ARHGEF3: variants seen among roughly 807,000 people sequenced by gnomAD.
ARHGEF3 encodes Rho guanine nucleotide exchange factor 3, also known as 59.8 kDA protein.
Under a neutral mutation model 63.2 loss-of-function variants are expected in ARHGEF3, and 28 were observed. That is an observed-to-expected ratio of 0.44 (90% CI 0.33 to 0.61). ARHGEF3 has a LOEUF of 0.61. ARHGEF3 is among the 20% of genes least tolerant of loss of function. The pLI is 0.03. For missense variants in ARHGEF3, 533 were observed against 659.3 expected (o/e 0.81, Z 2.10); for synonymous variants, 266 against 254.2 (o/e 1.05, Z -0.44).
chr3:56,745,289 G>A lies in ARHGEF3; in HGVS notation c.786C>T (p.Arg262=), dbSNP rs2034306488. 2 of 1,614,108 alleles carry A rather than the reference G, an allele frequency of 1.2e-6. No homozygotes were observed. The highest frequency in any genetic ancestry group is 1.7e-6 in the Non-Finnish European group (2 of 1,180,030). ...LWNFLDIPRS[R]LVKYPLLLRE... ...GGAGAAGCAGAGGGTATTTTACCAG[G>A]CGGCTTCTTGGAATATCGAGGAAAT... The change falls in exon 7 of 10, where the codon CGC becomes CGT. Residue 262 remains arginine, a synonymous_variant. Transcript: ENST00000296315.
At chr3:57,014,801 C>T (rs1702913148) in intron 2 of ARHGEF3, among the ~76,000 whole-genome samples, 1 of 151,942 alleles carries the variant, frequency 6.6e-6, no homozygotes, top group Non-Finnish European at 1.5e-5. Context: ...CTGCCTCAGC[C>T]TCCTGAGTAG....
intron 1 of ARHGEF3, among the ~76,000 whole-genome samples, chr3:57,039,191 G>C (rs1002200730): frequency 6.6e-6 from 1 of 152,312 alleles, no homozygotes; most frequent in Admixed American, 6.5e-5. Context: ...GGCAGGATCA[G>C]CACCCATTGG....
Position 57,001,007 on chromosome 3 carries a change from A to G in ARHGEF3, c.62+34081T>C, listed in dbSNP as rs372743300. On this transcript the variant is annotated intron_variant, in intron 2 of 12. Transcript: ENST00000338458. ...CAGGCTAGAGTGCAGTGGCACTATCATAAGTCACTGCAGCCTCAAATCCCT... is the reference window on the plus strand; with the variant it reads ...CAGGCTAGAGTGCAGTGGCACTATCGTAAGTCACTGCAGCCTCAAATCCCT... Among the ~76,000 whole-genome samples, 10 of 152,026 alleles carry G rather than the reference A, an allele frequency of 6.6e-5. 1 individual carries two copies. The highest frequency in any genetic ancestry group is 4.2e-4 in the South Asian group (2 of 4,816).
chr3:56,970,361 C>G (rs927757051), intron 2 of ARHGEF3, among the ~76,000 whole-genome samples: 1 of 152,132 alleles, frequency 6.6e-6, no homozygotes, highest in African/African-American at 2.4e-5. Flanking sequence ...CTATTAACTA[C>G]TCCAGAAGAG....
At chr3:57,060,156 T>TA (rs1296438999) in intron 1 of ARHGEF3, among the ~76,000 whole-genome samples, 1 of 151,656 alleles carries the variant, frequency 6.6e-6, no homozygotes, top group East Asian at 1.9e-4. Flanking sequence ...CCCATCTCTA[T>TA]AAAAAATTTT....
chr3:56,929,718 A>G (rs1289978469), intron 3 of ARHGEF3, among the ~76,000 whole-genome samples: 1 of 152,224 alleles, frequency 6.6e-6, no homozygotes, highest in Non-Finnish European at 1.5e-5. Flanking sequence ...AGTAAACTCA[A>G]ACACTATGTA....
chr3:56,801,694 C>T lies in ARHGEF3; in HGVS notation c.96+9G>A, dbSNP rs1444377277. ...CCCATAGAGGTCCAGGTGCAGGGCG[C>T]GGCCCTACCTCAGCGTCCTTGGCCG... On this transcript the variant is annotated intron_variant, in intron 1 of 9. Transcript: ENST00000296315. The T allele has an allele frequency of 1.3e-6, 2 of 1,554,574 alleles. No individual in the cohort carries two copies. The highest frequency in any genetic ancestry group is 1.7e-6 in the Non-Finnish European group (2 of 1,148,398).
intron 3 of ARHGEF3, among the ~76,000 whole-genome samples, chr3:56,914,524 G>A (rs1350999637): frequency 6.6e-6 from 1 of 152,124 alleles, no homozygotes; most frequent in Non-Finnish European, 1.5e-5. Context: ...CACTATTAGA[G>A]GTAATAATGA....
chr3:57,046,884 CT>C (rs1376369755), intron 1 of ARHGEF3, among the ~76,000 whole-genome samples: 1 of 152,138 alleles, frequency 6.6e-6, no homozygotes, highest in Non-Finnish European at 1.5e-5. Flanking sequence ...CTGTTTTTCT[CT>C]TTTTTTCCTA....
chr3:56,847,979 T>C (rs1234395187), intron 4 of ARHGEF3, among the ~76,000 whole-genome samples: 1 of 152,174 alleles, frequency 6.6e-6, no homozygotes, highest in East Asian at 1.9e-4. Context: ...GCACAGCTCC[T>C]GCCTTTGAGA....
At chr3:56,758,830 C>T (rs556207734) in intron 2 of ARHGEF3, among the ~76,000 whole-genome samples, 1 of 152,304 alleles carries the variant, frequency 6.6e-6, no homozygotes, top group African/African-American at 2.4e-5. Context: ...AAGTAACTTG[C>T]TCAACCCAGT....
chr3:56,949,989 C>T (rs573819739), intron 3 of ARHGEF3, among the ~76,000 whole-genome samples: 5 of 152,040 alleles, frequency 3.3e-5, no homozygotes, highest in Middle Eastern at 6.8e-3. Context: ...TATCTACAAC[C>T]ATCTGATCTT....
At chr3:56,962,563 C>A (rs568423283) in intron 2 of ARHGEF3, among the ~76,000 whole-genome samples, 6 of 152,268 alleles carry the variant, frequency 3.9e-5, no homozygotes, top group South Asian at 2.1e-4. Context: ...ATAAGTATGA[C>A]CACTTCCATA....
chr3:56,902,615 G>A (rs921002462), intron 3 of ARHGEF3, among the ~76,000 whole-genome samples: 3 of 152,222 alleles, frequency 2.0e-5, no homozygotes, highest in Admixed American at 6.5e-5. Flanking sequence ...AAAGTACTGA[G>A]TTTCGAGATG....
chr3:56,944,568 C>CT (rs1205155655), intron 3 of ARHGEF3, among the ~76,000 whole-genome samples: 752 of 65,526 alleles, frequency 0.011, 1 homozygote, highest in African/African-American at 0.02. Context: ...AAAGTGGTTT[C>CT]TTTTTTTTTT....
chr3:56,784,713 T>C (rs2036718527), intron 1 of ARHGEF3, among the ~76,000 whole-genome samples: 1 of 152,214 alleles, frequency 6.6e-6, no homozygotes, highest in African/African-American at 2.4e-5. Flanking sequence ...TTAGGAATAA[T>C]CTGAATGCCT....
intron 6 of ARHGEF3, among the ~76,000 whole-genome samples, chr3:56,747,436 G>A (rs2034458290): frequency 6.6e-6 from 1 of 152,132 alleles, no homozygotes; most frequent in African/African-American, 2.4e-5. Context: ...TCAGTCACCG[G>A]CTAGGAGAGG....
At chr3:56,849,141 G>A (rs925350541) in intron 4 of ARHGEF3, among the ~76,000 whole-genome samples, 3 of 152,206 alleles carry the variant, frequency 2.0e-5, no homozygotes, top group African/African-American at 7.2e-5. Context: ...GCTGACGTGA[G>A]AGCAGCCTTT....
intron 2 of ARHGEF3, among the ~76,000 whole-genome samples, chr3:56,768,667 C>CAAAAAAAAAAAAAAAAAAAA (rs770390697): frequency 2.3e-5 from 1 of 44,056 alleles, no homozygotes; most frequent in African/African-American, 8.2e-5. Context: ...AAGCAAAATG[C>CAAAAAAAAAAAAAAAAAAAA]AAAAAAAAAA....
Sources: gnomAD v4.1 joint callset for allele counts (sites outside exome capture counted in the v4.1 genomes callset) on GRCh38, gnomAD v4.1.1 for gene constraint, MANE v1.5 for transcripts, NCBI Gene and HGNC (gene_info 2026-07-23, HGNC 2026-07-21) for gene names.